The following LGSN variants were observed in gnomAD, a reference collection of about 807,000 sequenced individuals.
LGSN encodes the protein lengsin.
A neutral mutation model predicts 19.5 loss-of-function variants in LGSN; 21 were observed. That is an observed-to-expected ratio of 1.07 (90% CI 0.76 to 1.55). The LOEUF is 1.55. Among genes scored for constraint, LGSN ranks in the 40% most tolerant of loss-of-function variants. LGSN has a pLI of 0.00. For missense variants in LGSN, 673 were observed against 608.5 expected (o/e 1.11, Z -1.12); for synonymous variants, 257 against 215.6 (o/e 1.19, Z -1.68).
chr6:63,493,346 A>G, the LGSN span, among the ~76,000 whole-genome samples: 1 of 152,208 alleles, frequency 6.6e-6, no homozygotes, highest in African/African-American at 2.4e-5. Context: ...ATGAAATGTA[A>G]TCAGCCATCT....
At chr6:63,511,691 G>A in the LGSN span, among the ~76,000 whole-genome samples, 2 of 152,126 alleles carry the variant, frequency 1.3e-5, no homozygotes, top group South Asian at 4.1e-4. Context: ...AATTTTTTCT[G>A]AAACAGAGCT....
At chr6:63,557,320 C>T in the LGSN span, among the ~76,000 whole-genome samples, 2 of 152,140 alleles carry the variant, frequency 1.3e-5, no homozygotes, top group African/African-American at 2.4e-5. Context: ...AATCCCAGAA[C>T]TTTGGGAGGC....
the LGSN span, among the ~76,000 whole-genome samples, chr6:63,341,227 T>C: frequency 6.6e-6 from 1 of 152,160 alleles, no homozygotes; most frequent in Non-Finnish European, 1.5e-5. Flanking sequence ...ATGGCACACA[T>C]GGATGCCAGC....
chr6:63,524,534 T>G, the LGSN span, among the ~76,000 whole-genome samples: 12 of 152,310 alleles, frequency 7.9e-5, no homozygotes, highest in South Asian at 2.1e-4. Flanking sequence ...AATTCCTATA[T>G]GAATTTATTG....
the LGSN span, among the ~76,000 whole-genome samples, chr6:63,369,785 C>T: frequency 6.6e-6 from 1 of 152,206 alleles, no homozygotes; most frequent in African/African-American, 2.4e-5. Flanking sequence ...CTTTGGGAGG[C>T]CTGAGCTCAG....
the LGSN span, chr6:63,443,661 T>G: frequency 1.4e-6 from 1 of 708,476 alleles, no homozygotes; most frequent in African/African-American, 1.9e-5. Context: ...ACACAAACTC[T>G]TTTTAGCATC....
the LGSN span, among the ~76,000 whole-genome samples, chr6:63,469,140 T>C: frequency 6.6e-6 from 1 of 152,186 alleles, no homozygotes; most frequent in Admixed American, 6.6e-5. Context: ...TTATAGGATG[T>C]TTGCTTTGCC....
At chr6:63,412,742 A>AGAAAGAAAGGAAGGGAAGGAAGGAAG in the LGSN span, among the ~76,000 whole-genome samples, 2 of 72,068 alleles carry the variant, frequency 2.8e-5, no homozygotes, top group African/African-American at 2.0e-4. Flanking sequence ...AAAGAAAGAA[A>AGAAAGAAAGGAAGGGAAGGAAGGAAG]GAAAGAAAGA....
the LGSN span, among the ~76,000 whole-genome samples, chr6:63,492,395 G>A: frequency 6.6e-6 from 1 of 152,268 alleles, no homozygotes; most frequent in East Asian, 1.9e-4. Context: ...AGGACATGTT[G>A]TTCATAGTAA....
chr6:63,549,420 G>T, the LGSN span: 1 of 751,022 alleles, frequency 1.3e-6, no homozygotes, highest in East Asian at 2.5e-5. Flanking sequence ...TCTCAAACAG[G>T]GGATTCACCA....
the LGSN span, among the ~76,000 whole-genome samples, chr6:63,336,699 C>T: frequency 1.3e-5 from 2 of 151,252 alleles, no homozygotes; most frequent in Non-Finnish European, 1.5e-5. Context: ...CATCTCGGCT[C>T]ACTGCAACCT....
At chr6:63,480,760 T>A in the LGSN span, among the ~76,000 whole-genome samples, 3 of 150,508 alleles carry the variant, frequency 2.0e-5, no homozygotes, top group African/African-American at 7.4e-5. Context: ...AAAGTAAATT[T>A]ACCATTTGGT....
intron 1 of LGSN, among the ~76,000 whole-genome samples, chr6:63,299,344 AC>A (rs560770970): frequency 6.0e-4 from 92 of 152,310 alleles, no homozygotes; most frequent in Admixed American, 3.7e-3. Context: ...TCATTGACTT[AC>A]ATTTATGTAA....
the LGSN span, among the ~76,000 whole-genome samples, chr6:63,349,703 C>CA: frequency 1.1e-4 from 17 of 152,142 alleles, no homozygotes; most frequent in African/African-American, 4.1e-4. Flanking sequence ...GGCCAACAAC[C>CA]AGCAAGGAAA....
In LGSN at chr6:63,276,139, C is replaced by T. The variant is rs1019211031; in HGVS notation, c.*3882G>A. On this transcript the variant is annotated 3_prime_UTR_variant, in exon 4 of 4. Coordinates refer to ENST00000370657, the MANE Select transcript of LGSN (RefSeq NM_016571.3). The stretch of plus-strand genomic sequence containing the variant: ...GAAAACCCAAGGTTAAAGGTATTGT[C>T]CAGTCATACCTATATCATAAACATA... 2 of 152,136 alleles carry T rather than the reference C, an allele frequency of 1.3e-5. No homozygotes were observed. The highest frequency in any genetic ancestry group is 2.9e-5 in the Non-Finnish European group (2 of 68,032). The allele number at this position is 152,136 out of a possible 1,614,324, so 9.4% of individuals were successfully genotyped here.
the LGSN span, among the ~76,000 whole-genome samples, chr6:63,445,862 T>C: frequency 6.6e-6 from 1 of 152,294 alleles, no homozygotes; most frequent in Admixed American, 6.5e-5. Flanking sequence ...ATAGTGATCC[T>C]TCTGAAGTAT....
the LGSN span, among the ~76,000 whole-genome samples, chr6:63,544,205 A>G: frequency 1.3e-5 from 2 of 152,298 alleles, no homozygotes; most frequent in African/African-American, 4.8e-5. Context: ...ACATTCTTTG[A>G]TGTAATTTGA....
the LGSN span, among the ~76,000 whole-genome samples, chr6:63,562,538 T>C: frequency 6.6e-5 from 10 of 152,220 alleles, no homozygotes; most frequent in South Asian, 2.1e-3. Flanking sequence ...ATTATATAGA[T>C]ACTTCAAGTG....
chr6:63,496,514 G>C, the LGSN span, among the ~76,000 whole-genome samples: 1 of 152,030 alleles, frequency 6.6e-6, no homozygotes, highest in Non-Finnish European at 1.5e-5. Context: ...AGATAGCAAA[G>C]GCCTGGATAA....
Sources: gnomAD v4.1 joint callset for allele counts (sites outside exome capture counted in the v4.1 genomes callset) on GRCh38, gnomAD v4.1.1 for gene constraint, MANE v1.5 for transcripts, NCBI Gene and HGNC (gene_info 2026-07-23, HGNC 2026-07-21) for gene names.